The following SLC25A24 variants were observed in gnomAD, a reference collection of about 807,000 sequenced individuals.
SLC25A24 encodes solute carrier family 25 member 24.
A neutral mutation model predicts 60.7 loss-of-function variants in SLC25A24; 49 were observed. That is an observed-to-expected ratio of 0.81 (90% CI 0.64 to 1.02). SLC25A24 has a LOEUF of 1.02. Ranked by LOEUF, SLC25A24 falls within the 50% of genes least tolerant of loss-of-function variation. The pLI is 0.00. For synonymous variants in SLC25A24, 202 were observed against 200.6 expected, an observed-to-expected ratio of 1.01 and a Z score of -0.06; for missense variants, 564 against 586.3, an observed-to-expected ratio of 0.96 and a Z score of 0.39.
At chr1:108,155,249 GAAAAT>G in intron 5 of SLC25A24, 114 bp from the exon 6 acceptor site, 1 of 922,584 alleles carries the variant, frequency 1.1e-6, no homozygotes, top group South Asian at 2.0e-5. Flanking sequence ...AGATATATTT[GAAAAT>G]AAAATATAGA....
chr1:108,139,146 C>T lies in SLC25A24; in HGVS notation c.1161G>A (p.Val387=), dbSNP rs1679374653. ...TGGATAAGGCACCGCATCCCAGCAA[C>T]ACCATGACTCCAGGGTTTACAGAAT... The part of the protein sequence containing the change: ...AKDSVNPGVM[V]LLGCGALSST... The change falls in exon 9 of 10, where the codon GTG becomes GTA. Residue 387 remains valine (V), a synonymous_variant. Coordinates refer to ENST00000565488, the MANE Select transcript of SLC25A24 (RefSeq NM_013386.5). 1 of 1,611,556 alleles carries T rather than the reference C, an allele frequency of 6.2e-7. No homozygotes were observed. Among genetic ancestry groups the T allele is most frequent in the Non-Finnish European group, 8.5e-7 (1 of 1,178,934 alleles).
rs751016807 is a variant in SLC25A24 at position 108,185,898 on chromosome 1, A to G, written c.240T>C (p.Phe80=). 7 of 1,596,224 alleles carry G rather than the reference A, an allele frequency of 4.4e-6. No individual in the cohort carries two copies. Among genetic ancestry groups the G allele is most frequent in the Non-Finnish European group, 5.1e-6 (6 of 1,167,408 alleles). The part of the protein sequence containing the change: ...NKDGKLDFEE[F]MKYLKDHEKK... ...TCTCATGGTCTTTAAGGTACTTCATAAATTCTTCAAAATCCAGCTTCCCAT... is the reference window on the plus strand; with the variant it reads ...TCTCATGGTCTTTAAGGTACTTCATGAATTCTTCAAAATCCAGCTTCCCAT... Residue 80 remains phenylalanine (F), a synonymous_variant, in exon 2 of 10, where the codon TTT becomes TTC. Coordinates refer to ENST00000565488, the MANE Select transcript of SLC25A24 (RefSeq NM_013386.5).
intron 7 of SLC25A24, among the ~76,000 whole-genome samples, chr1:108,144,459 C>G (rs1317511296): frequency 6.6e-6 from 1 of 152,068 alleles, no homozygotes; most frequent in Non-Finnish European, 1.5e-5. Flanking sequence ...ACTTTAAGTT[C>G]TGGGATACAT....
chr1:108,199,979 G>A lies in SLC25A24; in HGVS notation c.160C>T (p.Pro54Ser). Residue 54 changes from proline to serine, a missense_variant, in exon 1 of 10, where the codon CCT becomes TCT. Coordinates refer to ENST00000565488, the MANE Select transcript of SLC25A24 (RefSeq NM_013386.5). The stretch of plus-strand genomic sequence containing the variant: ...ACCTCCTCGGCGTCCTGGCCCAGAG[G>A]GATGCCCAGGTTCCTGAGCCCCTCC... ...LQEGLRNLGI[P>S]LGQDAEEKIF... The A allele has an allele frequency of 6.2e-7, 1 of 1,610,336 alleles. No individual in the cohort carries two copies. The highest frequency in any genetic ancestry group is 8.5e-7 in the Non-Finnish European group (1 of 1,178,828).
In SLC25A24 at chr1:108,143,547, T is replaced by C. The variant is rs1353988239; in HGVS notation, c.1094A>G (p.Tyr365Cys). Residue 365 changes from tyrosine to cysteine, a missense_variant, in exon 8 of 10, where the codon TAT (tyrosine) becomes TGT (cysteine). Transcript: ENST00000565488. ...AAAAGATTTCTACAAACTCACCTCA[T>C]ACACAGCAAGATCTATGCCTGCATA... ...IPYAGIDLAV[Y>C]ELLKSYWLDN... The C allele has an allele frequency of 6.2e-6, 10 of 1,609,158 alleles. No homozygotes were observed. The highest frequency in any genetic ancestry group is 8.5e-6 in the Non-Finnish European group (10 of 1,178,532).
chr1:108,157,826 A>G (rs1679945998), intron 4 of SLC25A24, among the ~76,000 whole-genome samples: 2 of 152,248 alleles, frequency 1.3e-5, no homozygotes, highest in African/African-American at 4.8e-5. Flanking sequence ...AAATGAAAAT[A>G]AACAGTAATT....
At chr1:108,139,414 G>A (rs746753956) in intron 8 of SLC25A24, among the ~76,000 whole-genome samples, 5 of 152,090 alleles carry the variant, frequency 3.3e-5, no homozygotes, top group African/African-American at 4.8e-5. Flanking sequence ...GGTTTGCACC[G>A]GTTACTGACA....
At chr1:108,163,142 C>T (rs1172752696) in intron 3 of SLC25A24, among the ~76,000 whole-genome samples, 3 of 120,758 alleles carry the variant, frequency 2.5e-5, no homozygotes, top group Admixed American at 1.6e-4. Context: ...CTGTTCTGTT[C>T]CATTGGTCTA....
intron 3 of SLC25A24, among the ~76,000 whole-genome samples, chr1:108,177,606 G>C (rs1571302603): frequency 6.6e-6 from 1 of 152,130 alleles, no homozygotes; most frequent in East Asian, 1.9e-4. Context: ...AGGAGAGCAG[G>C]AGTAACTTTA....
At chr1:108,184,064 C>G (rs1332468810) in intron 2 of SLC25A24, among the ~76,000 whole-genome samples, 1 of 152,146 alleles carries the variant, frequency 6.6e-6, no homozygotes, top group Admixed American at 6.5e-5. Context: ...ACCAATAATG[C>G]CACATTGTTT....
intron 3 of SLC25A24, among the ~76,000 whole-genome samples, chr1:108,167,318 C>T (rs1680286309): frequency 6.6e-6 from 1 of 152,018 alleles, no homozygotes; most frequent in African/African-American, 2.4e-5. Flanking sequence ...GTGGGCTCCA[C>T]CCAGTTTGAG....
At chr1:108,172,858 T>C (rs1174581274) in intron 3 of SLC25A24, among the ~76,000 whole-genome samples, 1 of 152,168 alleles carries the variant, frequency 6.6e-6, no homozygotes, top group Non-Finnish European at 1.5e-5. Context: ...TCTGGTCACA[T>C]TCTGCCTTTA....
intron 3 of SLC25A24, among the ~76,000 whole-genome samples, chr1:108,171,237 A>G (rs2101628642): frequency 6.6e-6 from 1 of 152,262 alleles, no homozygotes. Flanking sequence ...CCACATATAT[A>G]TAACAAAGTC....
intron 3 of SLC25A24, among the ~76,000 whole-genome samples, chr1:108,164,434 G>T (rs1341464910): frequency 1.3e-5 from 2 of 150,954 alleles, no homozygotes; most frequent in South Asian, 2.1e-4. Context: ...GACTCTTTTT[G>T]GTTGGTAAGC....
intron 6 of SLC25A24, among the ~76,000 whole-genome samples, chr1:108,152,980 G>C (rs1679796541): frequency 6.6e-6 from 1 of 152,166 alleles, no homozygotes; most frequent in Non-Finnish European, 1.5e-5. Flanking sequence ...GCAGGGTCAG[G>C]AGACAGGGAG....
intron 5 of SLC25A24, 108 bp from the exon 6 acceptor site, chr1:108,155,243 A>C (rs2101611794): frequency 3.2e-6 from 3 of 945,774 alleles, no homozygotes; most frequent in South Asian, 4.0e-5. Context: ...GCAAGAAGAT[A>C]TATTTGAAAA....
intron 4 of SLC25A24, among the ~76,000 whole-genome samples, chr1:108,159,464 GT>G (rs60246776): frequency 0.2 from 26,782 of 130,928 alleles, 2,561 homozygotes; most frequent in African/African-American, 0.22. Context: ...GTCTTGGGTT[GT>G]TTTTTTTTTT....
Position 108,148,240 on chromosome 1 carries a change from G to T in SLC25A24, c.930+39C>A, listed in dbSNP as rs765668540. 3 of 1,210,768 alleles carry T rather than the reference G, an allele frequency of 2.5e-6. No individual in the cohort carries two copies. In the South Asian group the frequency reaches 3.6e-5, roughly 15 times the overall value. The allele number at this position is 1,210,768 out of a possible 1,614,324, so 75.0% of individuals were successfully genotyped here. The stretch of plus-strand genomic sequence containing the variant: ...TTAGAGAGCAATAGACAACCAACAC[G>T]AACACCATCACACAGTCAGACTTGA... On this transcript the variant is annotated intron_variant, in intron 7 of 9. Transcript: ENST00000565488.
At chr1:108,177,701 T>C (rs1387003945) in intron 3 of SLC25A24, among the ~76,000 whole-genome samples, 1 of 152,190 alleles carries the variant, frequency 6.6e-6, no homozygotes, top group Admixed American at 6.5e-5. Flanking sequence ...GTCAATTCAA[T>C]AAGAGGATAT....
Sources: allele counts gnomAD v4.1 joint callset (sites outside exome capture counted in the v4.1 genomes callset), GRCh38; gene constraint gnomAD v4.1.1; transcripts MANE v1.5; gene names NCBI Gene and HGNC (gene_info 2026-07-23, HGNC 2026-07-21).